EXOC6B: variants seen among roughly 807,000 people sequenced by gnomAD.
EXOC6B encodes exocyst complex component 6B.
In EXOC6B, 54 loss-of-function variants were observed where a neutral mutation model predicts 113.5. That is an observed-to-expected ratio of 0.48 (90% CI 0.38 to 0.60). The LOEUF (loss-of-function observed/expected upper bound fraction) is 0.60. Ranked by LOEUF, EXOC6B falls within the 20% of genes least tolerant of loss-of-function variation. The pLI, the probability that EXOC6B is intolerant of heterozygous loss-of-function variation, is 0.00. For synonymous variants in EXOC6B, 357 were observed against 339.0 expected, an observed-to-expected ratio of 1.05 and a Z score of -0.58; for missense variants, 797 against 977.5, an observed-to-expected ratio of 0.82 and a Z score of 2.46.
At chr2:72,354,278 T>TG (rs1340158327) in intron 19 of EXOC6B, 1 of 152,210 alleles carries the variant, frequency 6.6e-6, no homozygotes, top group East Asian at 1.9e-4. Flanking sequence ...GAAGTTCATT[T>TG]GTGAATTATG....
intron 7 of EXOC6B, among the ~76,000 whole-genome samples, chr2:72,566,910 A>T (rs1409764198): frequency 6.6e-6 from 1 of 152,046 alleles, no homozygotes; most frequent in Non-Finnish European, 1.5e-5. Flanking sequence ...CAAATAAACA[A>T]AGTACAAAAA....
chr2:72,625,266 T>TTC (rs1388725177), intron 6 of EXOC6B, among the ~76,000 whole-genome samples: 2 of 151,208 alleles, frequency 1.3e-5, no homozygotes, highest in East Asian at 3.9e-4. Flanking sequence ...TATGTGTATA[T>TTC]ATATACCTAA....
intron 6 of EXOC6B, among the ~76,000 whole-genome samples, chr2:72,672,215 A>C (rs1173409090): frequency 6.6e-6 from 1 of 150,406 alleles, no homozygotes; most frequent in Non-Finnish European, 1.5e-5. Flanking sequence ...AAAAAAAAAA[A>C]AAAAGATGAA....
intron 1 of EXOC6B, among the ~76,000 whole-genome samples, chr2:72,807,172 T>A (rs1034739466): frequency 2.6e-5 from 4 of 152,214 alleles, no homozygotes; most frequent in African/African-American, 9.6e-5. Context: ...GTTAAGTCTT[T>A]AATCCATCTT....
intron 1 of EXOC6B, among the ~76,000 whole-genome samples, chr2:72,822,596 G>T (rs565149530): frequency 6.6e-6 from 1 of 152,164 alleles, no homozygotes; most frequent in African/African-American, 2.4e-5. Context: ...AGCAAGTAAT[G>T]ATACACAAAT....
intron 17 of EXOC6B, among the ~76,000 whole-genome samples, chr2:72,468,888 T>C (rs2105436202): frequency 2.0e-5 from 3 of 152,288 alleles, no homozygotes; most frequent in Admixed American, 2.0e-4. Context: ...ACTTGCATAA[T>C]AATCTTAAGG....
At chr2:72,638,016 C>T (rs186923597) in intron 6 of EXOC6B, among the ~76,000 whole-genome samples, 1 of 151,872 alleles carries the variant, frequency 6.6e-6, no homozygotes, top group Non-Finnish European at 1.5e-5. Flanking sequence ...CAAATCAAAG[C>T]AGAAATAAAT....
intron 20 of EXOC6B, among the ~76,000 whole-genome samples, chr2:72,235,408 G>T (rs1477540531): frequency 2.0e-5 from 3 of 152,154 alleles, no homozygotes; most frequent in Non-Finnish European, 4.4e-5. Context: ...CTACTTGAAG[G>T]TGGAGGCTGG....
intron 8 of EXOC6B, among the ~76,000 whole-genome samples, chr2:72,525,852 T>C (rs1701724107): frequency 6.6e-6 from 1 of 152,144 alleles, no homozygotes; most frequent in South Asian, 2.1e-4. Context: ...AACCAAATTA[T>C]TTGCCCAGAA....
intron 20 of EXOC6B, among the ~76,000 whole-genome samples, chr2:72,317,034 T>A (rs183352226): frequency 1.3e-5 from 2 of 152,142 alleles, no homozygotes; most frequent in East Asian, 3.9e-4. Context: ...GTGACAGAAA[T>A]AGACTAGAAA....
intron 18 of EXOC6B, among the ~76,000 whole-genome samples, chr2:72,401,930 A>G (rs945001553): frequency 6.6e-6 from 1 of 151,536 alleles, no homozygotes; most frequent in Non-Finnish European, 1.5e-5. Context: ...TGACAAATGC[A>G]AGAAGATAAT....
chr2:72,636,228 T>C (rs1672805342), intron 6 of EXOC6B, among the ~76,000 whole-genome samples: 1 of 149,972 alleles, frequency 6.7e-6, no homozygotes, highest in East Asian at 2.0e-4. Context: ...TTAAATATCT[T>C]TTAAAAATAA....
chr2:72,361,738 T>C (rs1050069778), intron 19 of EXOC6B, among the ~76,000 whole-genome samples: 2 of 152,028 alleles, frequency 1.3e-5, no homozygotes, highest in African/African-American at 2.4e-5. Context: ...TAATATTCAC[T>C]AAAACATCTC....
At chr2:72,191,379 A>G (rs1678821168) in intron 20 of EXOC6B, among the ~76,000 whole-genome samples, 1 of 152,218 alleles carries the variant, frequency 6.6e-6, no homozygotes, top group African/African-American at 2.4e-5. Context: ...GGGTGGGAAC[A>G]GTGGAGAGGA....
chr2:72,600,981 T>C (rs74678947), intron 6 of EXOC6B, among the ~76,000 whole-genome samples: 6,374 of 152,012 alleles, frequency 0.042, 485 homozygotes, highest in African/African-American at 0.15. Flanking sequence ...ATTCAACGAA[T>C]ACCTCATCAA....
intron 6 of EXOC6B, among the ~76,000 whole-genome samples, chr2:72,618,348 G>A (rs375017103): frequency 6.6e-6 from 1 of 152,032 alleles, no homozygotes; most frequent in Admixed American, 6.6e-5. Context: ...CAGCCTGGGT[G>A]ACGAGAGTGA....
intron 6 of EXOC6B, among the ~76,000 whole-genome samples, chr2:72,710,817 G>C (rs1679223758): frequency 6.6e-6 from 1 of 152,140 alleles, no homozygotes; most frequent in Non-Finnish European, 1.5e-5. Context: ...TCTTACCCAA[G>C]GGTCAGTTCT....
chr2:72,423,576 CTTCTT>C (rs975444537), intron 18 of EXOC6B, among the ~76,000 whole-genome samples: 1 of 152,136 alleles, frequency 6.6e-6, no homozygotes, highest in Admixed American at 6.5e-5. Flanking sequence ...AATTTTATCT[CTTCTT>C]TTCCCAACAT....
chr2:72,663,928 G>A (rs1675201709), intron 6 of EXOC6B, among the ~76,000 whole-genome samples: 1 of 151,956 alleles, frequency 6.6e-6, no homozygotes, highest in African/African-American at 2.4e-5. Context: ...TTAATAACAG[G>A]GGAAACTGCC....
Sources: gnomAD v4.1 joint callset for allele counts (sites outside exome capture counted in the v4.1 genomes callset) on GRCh38, gnomAD v4.1.1 for gene constraint, MANE v1.5 for transcripts, NCBI Gene and HGNC (gene_info 2026-07-23, HGNC 2026-07-21) for gene names.